Variants in BMP2K observed in about 807,000 individuals in gnomAD.
The protein encoded by BMP2K is BMP2 inducible kinase.
BMP2K carries 74 observed loss-of-function variants against 116.0 expected under a neutral mutation model. That is an observed-to-expected ratio of 0.64 (90% confidence interval 0.53 to 0.77). The LOEUF (loss-of-function observed/expected upper bound fraction) is 0.77. BMP2K is among the 30% of genes least tolerant of loss of function. The probability of loss-of-function intolerance (pLI) is 0.00; values close to 1 mark genes in which losing one functional copy is unlikely to be tolerated. For synonymous variants in BMP2K, 486 were observed against 502.5 expected (o/e 0.97, Z 0.44); for missense variants, 1,365 against 1,403.6 (o/e 0.97, Z 0.44).
intron 13 of BMP2K, among the ~76,000 whole-genome samples, chr4:78,874,444 C>CATTA (rs1732536804): frequency 6.6e-6 from 1 of 152,098 alleles, no homozygotes; most frequent in African/African-American, 2.4e-5. Flanking sequence ...TAATTTTCCT[C>CATTA]ATTAAAAATC....
intron 1 of BMP2K, among the ~76,000 whole-genome samples, chr4:78,793,012 C>A (rs1050847211): frequency 6.6e-5 from 10 of 152,178 alleles, no homozygotes; most frequent in Non-Finnish European, 1.5e-5. Context: ...GTGTGAGAAT[C>A]CAACAGTCTT....
chr4:78,898,052 A>G (rs778516178), intron 15 of BMP2K, among the ~76,000 whole-genome samples: 18 of 152,314 alleles, frequency 1.2e-4, no homozygotes, highest in Admixed American at 2.0e-4. Context: ...TTAAGCCCTG[A>G]GAAATGAATG....
chr4:78,831,950 C>G (rs778378136), intron 2 of BMP2K, among the ~76,000 whole-genome samples: 14 of 152,126 alleles, frequency 9.2e-5, no homozygotes, highest in Non-Finnish European at 2.9e-5. Flanking sequence ...AGCACAGACA[C>G]AGGTGCATAT....
chr4:78,911,651 T>C lies in BMP2K; in HGVS notation c.3104T>C (p.Phe1035Ser). Reference sequence around the variant, plus strand: ...CGAGACTCTCAAAGTAGCAATGAATTTTTAACCATCTCAGACTCCAAGGAG... The same window carrying C: ...CGAGACTCTCAAAGTAGCAATGAATCTTTAACCATCTCAGACTCCAAGGAG... ...GRRDSQSSNE[F>S]LTISDSKENI... Residue 1035 changes from phenylalanine (F) to serine (S), a missense_variant, in exon 16 of 16, where the codon TTT becomes TCT. Phe to Ser is a radical substitution (Grantham distance 155). This residue lies in a region of BMP2K where 596 missense variants were observed against 623.2 expected (regional missense o/e 0.96). Transcript: ENST00000502613. 6.2e-7 allele frequency: 1 copy of C among 1,613,892 alleles called. No individual in the cohort carries two copies.
intron 12 of BMP2K, 63 bp from the exon 13 acceptor site, chr4:78,872,551 T>G: frequency 7.0e-7 from 1 of 1,433,812 alleles, no homozygotes; most frequent in South Asian, 1.4e-5. Flanking sequence ...AGTAAATAGA[T>G]GCAGTGCTGA....
At chr4:78,871,342 T>C (rs1264840485) in intron 11 of BMP2K, among the ~76,000 whole-genome samples, 1 of 152,260 alleles carries the variant, frequency 6.6e-6, no homozygotes, top group Non-Finnish European at 1.5e-5. Flanking sequence ...ATGAATATTA[T>C]CTGAGGTTAC....
At chr4:78,817,233 C>G (rs1484626533) in intron 1 of BMP2K, among the ~76,000 whole-genome samples, 1 of 152,184 alleles carries the variant, frequency 6.6e-6, no homozygotes, top group Non-Finnish European at 1.5e-5. Flanking sequence ...TCCAACAATT[C>G]CATTCAATTC....
At chr4:78,893,368 C>G (rs1733541836) in intron 15 of BMP2K, among the ~76,000 whole-genome samples, 1 of 152,178 alleles carries the variant, frequency 6.6e-6, no homozygotes, top group African/African-American at 2.4e-5. Context: ...TTAAACCCTT[C>G]AAAATCATCC....
chr4:78,911,703 G>A lies in BMP2K; in HGVS notation c.3156G>A (p.Gly1052=). Residue 1052 remains glycine (G), a synonymous_variant, in exon 16 of 16, where the codon GGG becomes GGA. Transcript: ENST00000502613. ...ACATTAGTGTTGCACTGACTGATGG[G>A]AAAGATAGGGGGAATGTCTTACAAC... ...KENISVALTD[G]KDRGNVLQPE... 2 of 1,613,916 alleles carry A rather than the reference G, an allele frequency of 1.2e-6. No homozygotes were observed. Among genetic ancestry groups the A allele is most frequent in the Admixed American group, 1.7e-5 (1 of 60,012 alleles).
intron 1 of BMP2K, among the ~76,000 whole-genome samples, chr4:78,822,208 T>G (rs1481303113): frequency 9.5e-6 from 1 of 105,808 alleles, no homozygotes; most frequent in Non-Finnish European, 1.6e-5. Context: ...TTGAAACAAA[T>G]TTTTAGATTG....
chr4:78,879,034 C>T (rs1732773388), intron 14 of BMP2K, 143 bp downstream of exon 14: 2 of 1,439,420 alleles, frequency 1.4e-6, no homozygotes, highest in African/African-American at 2.9e-5. Flanking sequence ...TCTTCTTATA[C>T]ATATACTATC....
chr4:78,779,593 T>TA lies in BMP2K; in HGVS notation c.178+2873dup, dbSNP rs376110577. On this transcript the variant is annotated intron_variant, in intron 1 of 15. Transcript: ENST00000502613. Reference sequence around the variant, plus strand: ...ATGTCTGCAATGACAGTGGAAGTGCTATGAGTAATGATTTTGGGGATACAA... The same window carrying TA: ...ATGTCTGCAATGACAGTGGAAGTGCTAATGAGTAATGATTTTGGGGATACAA... Among the ~76,000 whole-genome samples the TA allele has an allele frequency of 1.4e-3, 207 of 152,354 alleles. 1 individual carries two copies. Among genetic ancestry groups the TA allele is most frequent in the African/African-American group, 4.8e-3 (200 of 41,582 alleles).
intron 9 of BMP2K, among the ~76,000 whole-genome samples, chr4:78,863,723 C>A (rs1731906156): frequency 6.6e-6 from 1 of 152,156 alleles, no homozygotes; most frequent in East Asian, 1.9e-4. Flanking sequence ...TTTTTAACTT[C>A]AGTCGATTTT....
intron 14 of BMP2K, among the ~76,000 whole-genome samples, chr4:78,881,968 T>C (rs1043130100): frequency 5.3e-5 from 8 of 152,062 alleles, no homozygotes; most frequent in Non-Finnish European, 1.0e-4. Flanking sequence ...AAATAATTTA[T>C]ATTTGGTTTA....
intron 3 of BMP2K, among the ~76,000 whole-genome samples, chr4:78,838,197 A>C (rs141536955): frequency 6.6e-6 from 1 of 152,252 alleles, no homozygotes; most frequent in African/African-American, 2.4e-5. Context: ...AAACCATCGG[A>C]TGTCGTGAGA....
chr4:78,798,672 A>G (rs993652978), intron 1 of BMP2K, among the ~76,000 whole-genome samples: 3 of 152,214 alleles, frequency 2.0e-5, no homozygotes, highest in Non-Finnish European at 4.4e-5. Context: ...ACCCAAAAGT[A>G]CACATAACTA....
chr4:78,784,086 A>G (rs531088033), intron 1 of BMP2K, among the ~76,000 whole-genome samples: 1 of 150,656 alleles, frequency 6.6e-6, no homozygotes, highest in South Asian at 2.1e-4. Flanking sequence ...AGTGAGACGG[A>G]TGTCCTTATG....
At chr4:78,876,554 C>T (rs754969385) in intron 13 of BMP2K, among the ~76,000 whole-genome samples, 3 of 152,140 alleles carry the variant, frequency 2.0e-5, no homozygotes, top group African/African-American at 4.8e-5. Flanking sequence ...ATTAAATAGA[C>T]GACTTTTGCC....
At chr4:78,890,298 T>C (rs1434967777) in intron 15 of BMP2K, among the ~76,000 whole-genome samples, 1 of 152,186 alleles carries the variant, frequency 6.6e-6, no homozygotes, top group African/African-American at 2.4e-5. Context: ...TTCTTACCTC[T>C]GCACTTTTTA....
Sources: gnomAD v4.1 joint callset for allele counts (sites outside exome capture counted in the v4.1 genomes callset) on GRCh38, gnomAD v4.1.1 for gene constraint, gnomAD v4.1.1 regional missense constraint, MANE v1.5 for transcripts, NCBI Gene and HGNC (gene_info 2026-07-23, HGNC 2026-07-21) for gene names.